Variants in LRMDA observed in about 807,000 individuals in gnomAD.
LRMDA encodes leucine-rich melanocyte differentiation-associated protein.
LRMDA carries 18 observed loss-of-function variants against 29.8 expected under a neutral mutation model. The ratio of observed to expected loss-of-function variants is 0.60; its 90% CI spans 0.42 to 0.90. The LOEUF (loss-of-function observed/expected upper bound fraction) is 0.90, where lower values mean the gene tolerates loss of function less well. LRMDA is among the 40% of genes least tolerant of loss of function. The pLI is 0.00. For missense variants in LRMDA, 273 were observed against 273.9 expected, an observed-to-expected ratio of 1.00 and a Z score of 0.02; for synonymous variants, 125 against 109.4, an observed-to-expected ratio of 1.14 and a Z score of -0.89.
At chr10:76,259,643 C>T (rs1341625464) in intron 5 of LRMDA, among the ~76,000 whole-genome samples, 1 of 151,948 alleles carries the variant, frequency 6.6e-6, no homozygotes, top group Non-Finnish European at 1.5e-5. Context: ...GATGATCTGT[C>T]CAATGCTGAG....
At chr10:76,459,069 G>A (rs1260358248) in intron 6 of LRMDA, among the ~76,000 whole-genome samples, 1 of 152,108 alleles carries the variant, frequency 6.6e-6, no homozygotes, top group Non-Finnish European at 1.5e-5. Context: ...TTCAGATTTG[G>A]TATGATTCAA....
chr10:75,844,673 G>A (rs7919992), intron 2 of LRMDA, among the ~76,000 whole-genome samples: 121,097 of 152,194 alleles, frequency 0.8, 49,000 homozygotes, highest in East Asian at 0.98. Context: ...GACCCCTTAG[G>A]TCGCACTACT....
At chr10:75,996,637 G>A (rs1205304534) in intron 2 of LRMDA, among the ~76,000 whole-genome samples, 1 of 152,086 alleles carries the variant, frequency 6.6e-6, no homozygotes, top group Non-Finnish European at 1.5e-5. Context: ...ACTCTTCAAA[G>A]CATGTTGCAT....
intron 5 of LRMDA, among the ~76,000 whole-genome samples, chr10:76,222,389 C>T (rs1276361389): frequency 1.3e-5 from 2 of 152,116 alleles, no homozygotes; most frequent in Non-Finnish European, 2.9e-5. Context: ...GGGCTAATAT[C>T]CAGAGTCTAC....
chr10:75,922,180 C>T (rs180840359), intron 2 of LRMDA, among the ~76,000 whole-genome samples: 166 of 152,246 alleles, frequency 1.1e-3, no homozygotes, highest in African/African-American at 3.0e-3. Context: ...TCAAGAAGAC[C>T]GCTTTTTAGG....
At chr10:76,043,875 A>C (rs1200905557) in intron 3 of LRMDA, among the ~76,000 whole-genome samples, 1 of 152,244 alleles carries the variant, frequency 6.6e-6, no homozygotes, top group East Asian at 1.9e-4. Context: ...TACAGCAGAC[A>C]GAAAAAAGAG....
chr10:75,828,296 G>T (rs1326925421), intron 2 of LRMDA, among the ~76,000 whole-genome samples: 2 of 152,116 alleles, frequency 1.3e-5, no homozygotes, highest in Non-Finnish European at 2.9e-5. Context: ...TTAAGGAGTT[G>T]TTGGTAGGTG....
chr10:75,751,767 G>A (rs1369945410), intron 2 of LRMDA, among the ~76,000 whole-genome samples: 2 of 151,576 alleles, frequency 1.3e-5, no homozygotes, highest in African/African-American at 2.4e-5. Context: ...TTAAATACAC[G>A]GCTCCTCTCA....
intron 2 of LRMDA, among the ~76,000 whole-genome samples, chr10:75,566,410 C>A (rs1433846878): frequency 6.6e-6 from 1 of 152,102 alleles, no homozygotes; most frequent in African/African-American, 2.4e-5. Context: ...AATCATGGGC[C>A]CCACCCCAGA....
In LRMDA at chr10:76,450,784, A is replaced by G. The variant is rs368509982; in HGVS notation, c.602-106425A>G. On this transcript the variant is annotated intron_variant, in intron 6 of 6. Transcript: ENST00000611255. ...AATTTCTTAATTCGGCCAGTTTACT[A>G]ATTATCTCTTCATTCATCTCAGAAT... is the stretch of plus-strand genomic sequence containing the variant. Among the ~76,000 whole-genome samples, 20 of 152,284 alleles carry G rather than the reference A, an allele frequency of 1.3e-4. No individual in the cohort carries two copies. In the East Asian group the frequency reaches 1.9e-3, roughly 15 times the overall value.
intron 5 of LRMDA, among the ~76,000 whole-genome samples, chr10:76,259,354 T>C (rs1247478): frequency 0.5 from 76,565 of 151,898 alleles, 19,727 homozygotes; most frequent in South Asian, 0.64. Context: ...GTTGTTTAAT[T>C]TCCATATATT....
At chr10:76,006,446 G>A (rs73279679) in intron 2 of LRMDA, among the ~76,000 whole-genome samples, 1 of 152,138 alleles carries the variant, frequency 6.6e-6, no homozygotes. Flanking sequence ...AACCAGGTGG[G>A]TAAGAAACCA....
At chr10:75,609,630 A>G (rs539869568) in intron 2 of LRMDA, among the ~76,000 whole-genome samples, 1 of 152,330 alleles carries the variant, frequency 6.6e-6, no homozygotes, top group Non-Finnish European at 1.5e-5. Flanking sequence ...CCAGGTGGTA[A>G]GCATTGTGGA....
chr10:75,716,203 A>G (rs578235477), intron 2 of LRMDA, among the ~76,000 whole-genome samples: 2 of 152,292 alleles, frequency 1.3e-5, no homozygotes, highest in Admixed American at 1.3e-4. Context: ...CATTCCTCCC[A>G]TAGATGAGGA....
intron 2 of LRMDA, among the ~76,000 whole-genome samples, chr10:75,705,262 T>A (rs1197012859): frequency 6.6e-6 from 1 of 152,182 alleles, no homozygotes; most frequent in Non-Finnish European, 1.5e-5. Context: ...TGAAGAAAGT[T>A]GAGTTACTAA....
intron 5 of LRMDA, among the ~76,000 whole-genome samples, chr10:76,126,521 C>T (rs1849886790): frequency 6.6e-6 from 1 of 152,168 alleles, no homozygotes; most frequent in Non-Finnish European, 1.5e-5. Flanking sequence ...AAAGAGTCCG[C>T]TCCTGCTGGG....
intron 2 of LRMDA, among the ~76,000 whole-genome samples, chr10:75,899,114 C>CT (rs1466286744): frequency 6.6e-6 from 1 of 152,162 alleles, no homozygotes. Context: ...TGACTTCTCG[C>CT]TTATAGTAAA....
chr10:76,246,985 A>C (rs2132291949), intron 5 of LRMDA, among the ~76,000 whole-genome samples: 1 of 152,246 alleles, frequency 6.6e-6, no homozygotes, highest in South Asian at 2.1e-4. Flanking sequence ...TTTAAGTGAA[A>C]ACAATGGATT....
chr10:76,346,739 T>C (rs1016238402), intron 6 of LRMDA, among the ~76,000 whole-genome samples: 1 of 152,126 alleles, frequency 6.6e-6, no homozygotes, highest in Non-Finnish European at 1.5e-5. Context: ...CCATTTTATA[T>C]ATGAGGAAAT....
Sources: gnomAD v4.1 joint callset for allele counts (sites outside exome capture counted in the v4.1 genomes callset) on GRCh38, gnomAD v4.1.1 for gene constraint, MANE v1.5 for transcripts, NCBI Gene and HGNC (gene_info 2026-07-23, HGNC 2026-07-21) for gene names.